Variants in PDE1C observed in about 807,000 individuals in gnomAD.
The protein encoded by PDE1C is dual specificity calcium/calmodulin-dependent 3',5'-cyclic nucleotide phosphodiesterase 1C.
A neutral mutation model predicts 93.1 loss-of-function variants in PDE1C; 62 were observed. The observed-to-expected ratio is 0.67, with a 90% CI of 0.54 to 0.82. The LOEUF is 0.82. PDE1C is among the 40% of genes least tolerant of loss of function. The pLI is 0.00. For missense variants in PDE1C, 742 were observed against 884.6 expected (o/e 0.84, Z 2.04); for synonymous variants, 325 against 310.1 (o/e 1.05, Z -0.50).
chr7:31,905,790 T>C (rs1297099625), intron 2 of PDE1C, among the ~76,000 whole-genome samples: 1 of 152,156 alleles, frequency 6.6e-6, no homozygotes, highest in Non-Finnish European at 1.5e-5. Context: ...AATCCCCATG[T>C]GTTAAGGGAG....
At chr7:32,349,545 C>G (rs889783098) in intron 1 of PDE1C, among the ~76,000 whole-genome samples, 1 of 152,094 alleles carries the variant, frequency 6.6e-6, no homozygotes, top group African/African-American at 2.4e-5. Flanking sequence ...ACATTTAAAG[C>G]AAAACATTTT....
intron 1 of PDE1C, among the ~76,000 whole-genome samples, chr7:32,262,085 G>A (rs1810249270): frequency 6.7e-6 from 1 of 149,786 alleles, no homozygotes. Context: ...CAGGTAGAGG[G>A]GTAGAACTTT....
At chr7:32,363,084 T>C (rs1172687818) in intron 1 of PDE1C, among the ~76,000 whole-genome samples, 1 of 152,218 alleles carries the variant, frequency 6.6e-6, no homozygotes, top group Non-Finnish European at 1.5e-5. Flanking sequence ...CCTTTATAAA[T>C]ATAGTGACCA....
chr7:31,722,417 AG>A, the PDE1C span, among the ~76,000 whole-genome samples: 1 of 152,230 alleles, frequency 6.6e-6, no homozygotes, highest in African/African-American at 2.4e-5. Context: ...AAACAGACAA[AG>A]TGGTAAAAAT....
At chr7:31,809,225 G>A in intron 15 of PDE1C, 117 bp from the exon 16 acceptor site, 1 of 604,260 alleles carries the variant, frequency 1.7e-6, no homozygotes, top group Non-Finnish European at 3.0e-6. Flanking sequence ...TCATAAGAGT[G>A]TATGTGTCTG....
chr7:32,230,656 T>C (rs1228334694), intron 1 of PDE1C, among the ~76,000 whole-genome samples: 2 of 152,072 alleles, frequency 1.3e-5, no homozygotes, highest in Non-Finnish European at 2.9e-5. Flanking sequence ...AAACGGTCAC[T>C]CTAGCCTCAC....
chr7:32,335,399 A>G (rs1783599195), intron 1 of PDE1C, among the ~76,000 whole-genome samples: 1 of 152,220 alleles, frequency 6.6e-6, no homozygotes, highest in Admixed American at 6.5e-5. Context: ...TGTTTGGTCC[A>G]ATAGCTCTGC....
chr7:31,828,483 T>C, intron 11 of PDE1C, 110 bp from the exon 12 acceptor site: 1 of 661,250 alleles, frequency 1.5e-6, no homozygotes, highest in Non-Finnish European at 2.6e-6. Context: ...TTTTAATTAT[T>C]ACAATTACAT....
At chr7:32,184,621 G>A (rs1280394234) in intron 2 of PDE1C, among the ~76,000 whole-genome samples, 1 of 152,096 alleles carries the variant, frequency 6.6e-6, no homozygotes, top group Non-Finnish European at 1.5e-5. Flanking sequence ...GACACAGGAA[G>A]GGGAACATCA....
chr7:31,942,486 C>A (rs539387582), intron 2 of PDE1C, among the ~76,000 whole-genome samples: 1 of 152,166 alleles, frequency 6.6e-6, no homozygotes, highest in Non-Finnish European at 1.5e-5. Flanking sequence ...AAGAAATATA[C>A]CCTAGAGATG....
At chr7:32,226,548 T>C (rs1246817774) in intron 1 of PDE1C, among the ~76,000 whole-genome samples, 4 of 152,134 alleles carry the variant, frequency 2.6e-5, no homozygotes, top group East Asian at 1.9e-4. Flanking sequence ...GGGGTTTAGA[T>C]GGGCTGGTCA....
the PDE1C span, among the ~76,000 whole-genome samples, chr7:31,690,870 A>G: frequency 2.6e-5 from 4 of 152,196 alleles, no homozygotes; most frequent in African/African-American, 9.6e-5. Context: ...TGAGGAATGA[A>G]TATTTTCAAC....
At chr7:32,399,997 G>T (rs1270673484) in intron 1 of PDE1C, among the ~76,000 whole-genome samples, 1 of 152,150 alleles carries the variant, frequency 6.6e-6, no homozygotes, top group Admixed American at 6.5e-5. Flanking sequence ...ATACAGTTCT[G>T]TCCATAGAAG....
rs187728793 is a variant in PDE1C, at chr7:31,778,214, C to A, written c.1892-2482G>T. ...CCACAATGCACAACCCCAGTGGATG[C>A]CCGTCGCATTGTATCTTACACAAAG... On this transcript the variant is annotated intron_variant, in intron 16 of 17. Transcript: ENST00000396191. Among the ~76,000 whole-genome samples, 13 of 152,270 alleles carry A rather than the reference C, an allele frequency of 8.5e-5. No individual in the cohort carries two copies. In the East Asian group the frequency reaches 1.4e-3, roughly 16 times the overall value.
intron 2 of PDE1C, among the ~76,000 whole-genome samples, chr7:32,205,125 G>A (rs942818387): frequency 6.6e-6 from 1 of 152,116 alleles, no homozygotes; most frequent in Non-Finnish European, 1.5e-5. Flanking sequence ...GGTTATCAGG[G>A]CCAATATCCA....
intron 3 of PDE1C, among the ~76,000 whole-genome samples, chr7:32,150,630 C>T (rs1801183833): frequency 6.6e-6 from 1 of 152,150 alleles, no homozygotes; most frequent in African/African-American, 2.4e-5. Flanking sequence ...AATCCAGCTC[C>T]ACCACTTGAG....
At chr7:32,028,729 C>G (rs560669178) in intron 2 of PDE1C, among the ~76,000 whole-genome samples, 19 of 152,008 alleles carry the variant, frequency 1.2e-4, no homozygotes, top group Non-Finnish European at 2.4e-4. Context: ...ACCCTCTTAG[C>G]AATTTTGAAA....
At chr7:31,643,055 A>G in the PDE1C span, 4 of 1,613,860 alleles carry the variant, frequency 2.5e-6, no homozygotes, top group Admixed American at 5.0e-5. Context: ...ACTTCCAAAT[A>G]TGATCATCCT....
At chr7:32,108,908 G>A (rs564638649) in intron 3 of PDE1C, among the ~76,000 whole-genome samples, 6 of 152,226 alleles carry the variant, frequency 3.9e-5, no homozygotes, top group African/African-American at 7.2e-5. Flanking sequence ...GCCAATATTC[G>A]TGCCTTCTTG....
Sources: allele counts gnomAD v4.1 joint callset (sites outside exome capture counted in the v4.1 genomes callset), GRCh38; gene constraint gnomAD v4.1.1; transcripts MANE v1.5; gene names NCBI Gene and HGNC (gene_info 2026-07-23, HGNC 2026-07-21).